DLGAP2: variants seen among roughly 807,000 people sequenced by gnomAD.
The protein encoded by DLGAP2 is DLG associated protein 2.
A neutral mutation model predicts 100.3 loss-of-function variants in DLGAP2; 26 were observed. That is an observed-to-expected ratio of 0.26 (90% CI 0.19 to 0.36). The LOEUF (loss-of-function observed/expected upper bound fraction) is 0.36, where lower values mean the gene tolerates loss of function less well. Among genes scored for constraint, DLGAP2 ranks in the 10% least tolerant of loss-of-function variants. The pLI, the probability that DLGAP2 is intolerant of heterozygous loss-of-function variation, is 1.00. For missense variants in DLGAP2, 1,858 were observed against 1,453.2 expected, an observed-to-expected ratio of 1.28 and a Z score of -4.53; for synonymous variants, 886 against 630.1, an observed-to-expected ratio of 1.41 and a Z score of -6.08.
intron 3 of DLGAP2, chr8:1,381,323 C>T (rs2063974): frequency 0.14 from 21,374 of 152,118 alleles, 2,344 homozygotes; most frequent in African/African-American, 0.28. Flanking sequence ...TTAGCAAAGA[C>T]ATGAAAAAAT....
intron 3 of DLGAP2, among the ~76,000 whole-genome samples, chr8:1,376,598 A>G (rs760182): frequency 0.29 from 32,550 of 113,136 alleles, 6,766 homozygotes; most frequent in East Asian, 0.42. Flanking sequence ...GCCGGGTGGC[A>G]GTGGGGAGCC....
chr8:977,156 C>T (rs1373224431), intron 2 of DLGAP2, among the ~76,000 whole-genome samples: 1 of 152,238 alleles, frequency 6.6e-6, no homozygotes, highest in Non-Finnish European at 1.5e-5. Context: ...CTTTCCTCCT[C>T]TTGCCTCCCC....
intron 2 of DLGAP2, among the ~76,000 whole-genome samples, chr8:915,285 C>T (rs1003783808): frequency 3.9e-5 from 6 of 152,330 alleles, no homozygotes; most frequent in African/African-American, 1.2e-4. Flanking sequence ...CGGTGGCTCA[C>T]GCCTGTAATC....
intron 3 of DLGAP2, among the ~76,000 whole-genome samples, chr8:1,392,352 C>A (rs1796382680): frequency 6.6e-6 from 1 of 152,146 alleles, no homozygotes; most frequent in Non-Finnish European, 1.5e-5. Context: ...GTTACCTGCA[C>A]TCCCACGGGG....
chr8:1,573,752 G>A (rs997743362), intron 6 of DLGAP2, among the ~76,000 whole-genome samples: 5 of 152,238 alleles, frequency 3.3e-5, no homozygotes, highest in South Asian at 4.1e-4. Flanking sequence ...AATGTGGCCC[G>A]CTCACTGGTC....
intron 1 of DLGAP2, among the ~76,000 whole-genome samples, chr8:757,398 G>C (rs1018476814): frequency 7.2e-5 from 11 of 152,166 alleles, no homozygotes; most frequent in African/African-American, 2.7e-4. Context: ...TTCATGTGTC[G>C]GCCATGGTGC....
intron 3 of DLGAP2, among the ~76,000 whole-genome samples, chr8:1,366,325 CTGT>C (rs1802107714): frequency 6.6e-6 from 1 of 152,190 alleles, no homozygotes; most frequent in Admixed American, 6.5e-5. Flanking sequence ...GACATGTCTC[CTGT>C]TGTTTAGGAA....
intron 5 of DLGAP2, among the ~76,000 whole-genome samples, chr8:1,552,235 G>C (rs916468658): frequency 1.3e-5 from 2 of 152,234 alleles, no homozygotes; most frequent in Non-Finnish European, 2.9e-5. Context: ...CCGGAGGATC[G>C]GAGGATAGAA....
intron 3 of DLGAP2, among the ~76,000 whole-genome samples, chr8:1,360,022 A>G (rs2129651200): frequency 6.6e-6 from 1 of 152,296 alleles, no homozygotes. Flanking sequence ...AATCCAAAGA[A>G]GAACAGGACC....
At position 1,707,561 on chromosome 8, in the gene DLGAP2, T is replaced by C. The variant is rs1799739915; in HGVS notation, c.*6155T>C. On this transcript the variant is annotated 3_prime_UTR_variant, in exon 15 of 15. Coordinates refer to ENST00000637795, the MANE Select transcript of DLGAP2 (RefSeq NM_001346810.2). ...GCTTCCCCTTACGAGCAGTGAGACC[T>C]AGGCTACTTTCGAACGCTTCCTTCC... The C allele has an allele frequency of 6.6e-6, 1 of 152,186 alleles. No homozygotes were observed. 9.4% of individuals were successfully genotyped at this position (152,186 alleles called of 1,614,324 possible).
At chr8:1,227,658 A>G (rs1798450349) in intron 2 of DLGAP2, among the ~76,000 whole-genome samples, 1 of 152,128 alleles carries the variant, frequency 6.6e-6, no homozygotes, top group Admixed American at 6.6e-5. Flanking sequence ...ATGCTAAATG[A>G]AATAAGGCAG....
chr8:1,561,327 G>A (rs984648750), intron 5 of DLGAP2, among the ~76,000 whole-genome samples: 2 of 152,092 alleles, frequency 1.3e-5, no homozygotes, highest in African/African-American at 4.8e-5. Context: ...TTCCCTTTCA[G>A]CGCGGTCTGT....
rs555164959 is a variant in DLGAP2, at chr8:1,327,565, C to T, written c.106+68682C>T. 2.0e-5 allele frequency among the ~76,000 whole-genome samples: 3 copies of T among 152,280 alleles called. No homozygotes were observed. The South Asian group carries it at 6.2e-4, about 32-fold the overall frequency. The stretch of plus-strand genomic sequence containing the variant: ...TGCAAGTGTAAAGAAACATGGTGAG[C>T]CAGGCATGGTGGCTCATGCCTGTAA... On this transcript the variant is annotated intron_variant, in intron 3 of 14. Transcript: ENST00000637795.
intron 8 of DLGAP2, among the ~76,000 whole-genome samples, chr8:1,639,710 C>G (rs761867621): frequency 6.6e-6 from 1 of 152,212 alleles, no homozygotes; most frequent in South Asian, 2.1e-4. Flanking sequence ...GTGGGGCTAG[C>G]GTCAAACATC....
chr8:1,507,726 C>T (rs1442290135), intron 4 of DLGAP2, among the ~76,000 whole-genome samples: 4 of 151,902 alleles, frequency 2.6e-5, no homozygotes, highest in African/African-American at 9.7e-5. Context: ...CCTCCTGTCT[C>T]CCAGGCATTC....
At chr8:756,781 G>T (rs575026692) in intron 1 of DLGAP2, among the ~76,000 whole-genome samples, 1 of 152,128 alleles carries the variant, frequency 6.6e-6, no homozygotes, top group African/African-American at 2.4e-5. Context: ...TCAGGAGAAC[G>T]TTCTTTTAGC....
Position 1,441,082 on chromosome 8 carries a change from G to C in DLGAP2, c.107-60284G>C, listed in dbSNP as rs113942185. ...AAAGATGCTGAAGGGAAAAGTCTATGTTCGAAACATAATCCCAGAATAAAA... is the reference window on the plus strand; with the variant it reads ...AAAGATGCTGAAGGGAAAAGTCTATCTTCGAAACATAATCCCAGAATAAAA... On this transcript the variant is annotated intron_variant, in intron 3 of 14. Coordinates refer to ENST00000637795, the MANE Select transcript of DLGAP2 (RefSeq NM_001346810.2). Among the ~76,000 whole-genome samples the C allele has an allele frequency of 2.8e-3, 422 of 152,278 alleles. 5 individuals carry two copies. Among genetic ancestry groups the C allele is most frequent in the African/African-American group, 9.8e-3 (409 of 41,558 alleles).
intron 1 of DLGAP2, among the ~76,000 whole-genome samples, chr8:840,838 G>A (rs898741479): frequency 6.6e-6 from 1 of 152,186 alleles, no homozygotes; most frequent in Non-Finnish European, 1.5e-5. Context: ...GTCTACATGG[G>A]GCACATCGTG....
chr8:1,483,213 G>C (rs1368541536), intron 3 of DLGAP2, among the ~76,000 whole-genome samples: 1 of 152,148 alleles, frequency 6.6e-6, no homozygotes, highest in African/African-American at 2.4e-5. Flanking sequence ...CAGGGAGTCC[G>C]TACTTTGTGG....
Sources: gnomAD v4.1 joint callset for allele counts (sites outside exome capture counted in the v4.1 genomes callset) on GRCh38, gnomAD v4.1.1 for gene constraint, MANE v1.5 for transcripts, NCBI Gene and HGNC (gene_info 2026-07-23, HGNC 2026-07-21) for gene names.